ZNF385B: variants seen among roughly 807,000 people sequenced by gnomAD.
The protein encoded by ZNF385B is zinc finger protein 385B, also known as zinc finger protein 533.
In ZNF385B, 23 loss-of-function variants were observed where a neutral mutation model predicts 39.2. That is an observed-to-expected ratio of 0.59 (90% CI 0.42 to 0.83). The LOEUF is 0.83. ZNF385B is among the 40% of genes least tolerant of loss of function. ZNF385B has a pLI of 0.00. For missense variants in ZNF385B, 552 were observed against 598.9 expected, an observed-to-expected ratio of 0.92 and a Z score of 0.82; for synonymous variants, 205 against 222.6, an observed-to-expected ratio of 0.92 and a Z score of 0.70.
chr2:179,499,437 T>C (rs573015272), intron 5 of ZNF385B, among the ~76,000 whole-genome samples: 3 of 152,140 alleles, frequency 2.0e-5, no homozygotes, highest in African/African-American at 4.8e-5. Context: ...ATTAGAAAGA[T>C]CATTCATCAT....
At chr2:179,676,114 A>G (rs1696742204) in intron 3 of ZNF385B, among the ~76,000 whole-genome samples, 1 of 141,356 alleles carries the variant, frequency 7.1e-6, no homozygotes, top group South Asian at 2.3e-4. Flanking sequence ...TTTGAGACGG[A>G]GTTTCGCTTT....
At chr2:179,486,992 A>G (rs1376653844) in intron 5 of ZNF385B, among the ~76,000 whole-genome samples, 1 of 152,256 alleles carries the variant, frequency 6.6e-6, no homozygotes, top group African/African-American at 2.4e-5. Context: ...GTATCATAAG[A>G]CCTGCTAAAA....
At chr2:179,488,006 G>GAATTTCTT (rs1253965083) in intron 5 of ZNF385B, among the ~76,000 whole-genome samples, 2 of 152,124 alleles carry the variant, frequency 1.3e-5, no homozygotes, top group Non-Finnish European at 2.9e-5. Flanking sequence ...CAAATCCTCT[G>GAATTTCTT]AATTTCTTAG....
chr2:179,557,862 TC>T (rs1344495627), intron 3 of ZNF385B, among the ~76,000 whole-genome samples: 2 of 151,982 alleles, frequency 1.3e-5, no homozygotes, highest in Non-Finnish European at 2.9e-5. Context: ...TCAACCCTTG[TC>T]CCCCTCACTC....
chr2:179,843,002 C>T (rs558334312), intron 1 of ZNF385B, among the ~76,000 whole-genome samples: 42 of 152,080 alleles, frequency 2.8e-4, no homozygotes, highest in Non-Finnish European at 4.9e-4. Flanking sequence ...GGTGTCACCG[C>T]CCCCACCCCA....
At chr2:179,557,897 G>A (rs1311950090) in intron 3 of ZNF385B, among the ~76,000 whole-genome samples, 2 of 151,998 alleles carry the variant, frequency 1.3e-5, no homozygotes, top group African/African-American at 4.8e-5. Flanking sequence ...GGAATCTCCA[G>A]TATAATGCCT....
At chr2:179,468,508 G>C (rs189181472) in intron 6 of ZNF385B, among the ~76,000 whole-genome samples, 1 of 152,088 alleles carries the variant, frequency 6.6e-6, no homozygotes, top group African/African-American at 2.4e-5. Context: ...GTTCAGTAGA[G>C]ATTCAAAAGC....
intron 1 of ZNF385B, among the ~76,000 whole-genome samples, chr2:179,828,140 G>A (rs150463054): frequency 7.1e-4 from 108 of 152,140 alleles, no homozygotes; most frequent in African/African-American, 2.6e-3. Context: ...TTTCAGTTGA[G>A]GGTGTTATAA....
chr2:179,690,154 G>T (rs1698245198), intron 3 of ZNF385B, among the ~76,000 whole-genome samples: 1 of 152,080 alleles, frequency 6.6e-6, no homozygotes, highest in South Asian at 2.1e-4. Context: ...CAGGTAAGAT[G>T]ATAACGGCAC....
rs3106721 is a variant in ZNF385B, at chr2:179,667,688, T to G, written c.298+101815A>C. Among the ~76,000 whole-genome samples the G allele has an allele frequency of 8.6e-3, 1,311 of 152,260 alleles. 19 individuals are homozygous for G. Among genetic ancestry groups the G allele is most frequent in the African/African-American group, 0.029 (1,210 of 41,526 alleles). On this transcript the variant is annotated intron_variant, in intron 3 of 9. Transcript: ENST00000410066. ...TGGAAAGTGCCAAGCTCTGAACAGC[T>G]TCATTGGCAGCTATGTTTAAGCCAG...
At chr2:179,544,449 A>ATTT (rs549703963) in intron 4 of ZNF385B, among the ~76,000 whole-genome samples, 1 of 148,778 alleles carries the variant, frequency 6.7e-6, no homozygotes, top group Non-Finnish European at 1.5e-5. Flanking sequence ...TCCTACAGTC[A>ATTT]TTTTTTTTTT....
At chr2:179,663,185 T>C (rs1380575644) in intron 3 of ZNF385B, among the ~76,000 whole-genome samples, 1 of 152,254 alleles carries the variant, frequency 6.6e-6, no homozygotes, top group Non-Finnish European at 1.5e-5. Flanking sequence ...ATTTAAGTTA[T>C]TGTTTTCATT....
At chr2:179,723,848 C>G (rs1218332251) in intron 3 of ZNF385B, among the ~76,000 whole-genome samples, 1 of 152,010 alleles carries the variant, frequency 6.6e-6, no homozygotes, top group Admixed American at 6.6e-5. Context: ...TCTTAACATA[C>G]TAATTAGGCT....
intron 3 of ZNF385B, among the ~76,000 whole-genome samples, chr2:179,610,520 A>G (rs1403293086): frequency 6.6e-6 from 1 of 152,088 alleles, no homozygotes; most frequent in Non-Finnish European, 1.5e-5. Flanking sequence ...GTTGCTCAGG[A>G]TATCATTGGC....
At chr2:179,647,690 A>G (rs1692841935) in intron 3 of ZNF385B, among the ~76,000 whole-genome samples, 1 of 152,204 alleles carries the variant, frequency 6.6e-6, no homozygotes, top group African/African-American at 2.4e-5. Flanking sequence ...TAAGTTAAGG[A>G]CTACCTACAT....
intron 5 of ZNF385B, among the ~76,000 whole-genome samples, chr2:179,493,219 T>C (rs1415779403): frequency 3.9e-5 from 6 of 152,038 alleles, no homozygotes; most frequent in African/African-American, 1.4e-4. Context: ...TTATGTATCA[T>C]GTAATAGGTG....
At chr2:179,447,110 A>G (rs907535638) in intron 6 of ZNF385B, among the ~76,000 whole-genome samples, 6 of 152,200 alleles carry the variant, frequency 3.9e-5, no homozygotes, top group African/African-American at 1.4e-4. Context: ...TCCCTCTGAT[A>G]CAATTACATG....
At chr2:179,522,729 G>A (rs1008718734) in intron 4 of ZNF385B, among the ~76,000 whole-genome samples, 16 of 152,058 alleles carry the variant, frequency 1.1e-4, no homozygotes, top group African/African-American at 3.9e-4. Flanking sequence ...TTATTAAGTA[G>A]TCATATTAAA....
At chr2:179,676,844 G>A (rs1353650505) in intron 3 of ZNF385B, among the ~76,000 whole-genome samples, 2 of 152,190 alleles carry the variant, frequency 1.3e-5, no homozygotes, top group Admixed American at 6.5e-5. Flanking sequence ...TAGAGGCCAA[G>A]GATGCTGCTA....
Sources: gnomAD v4.1 joint callset for allele counts (sites outside exome capture counted in the v4.1 genomes callset) on GRCh38, gnomAD v4.1.1 for gene constraint, MANE v1.5 for transcripts, NCBI Gene and HGNC (gene_info 2026-07-23, HGNC 2026-07-21) for gene names.